Variants in TAMM41 observed in about 807,000 individuals in gnomAD.
TAMM41 encodes phosphatidate cytidylyltransferase, mitochondrial.
Under a neutral mutation model 44.1 loss-of-function variants are expected in TAMM41, and 36 were observed. The ratio of observed to expected loss-of-function variants is 0.82; its 90% confidence interval spans 0.63 to 1.08. The LOEUF (loss-of-function observed/expected upper bound fraction) is 1.08. Ranked by LOEUF, TAMM41 falls within the 50% of genes least tolerant of loss-of-function variation. TAMM41 has a pLI of 0.00. For missense variants in TAMM41, 417 were observed against 404.3 expected, an observed-to-expected ratio of 1.03 and a Z score of -0.27; for synonymous variants, 164 against 153.1, an observed-to-expected ratio of 1.07 and a Z score of -0.53.
intron 4 of TAMM41, among the ~76,000 whole-genome samples, chr3:11,822,241 G>A (rs1361290850): frequency 6.6e-6 from 1 of 152,114 alleles, no homozygotes; most frequent in East Asian, 1.9e-4. Context: ...AGTGTTTAAG[G>A]ACTGCAGCCC....
chr3:11,838,815 T>C (rs549677672), intron 3 of TAMM41, among the ~76,000 whole-genome samples: 27 of 152,058 alleles, frequency 1.8e-4, no homozygotes, highest in African/African-American at 5.8e-4. Context: ...GTGGGGGGCC[T>C]GAAAGGTCCA....
rs2079718218 is a variant in TAMM41 at position 11,846,703 on chromosome 3, C to T, written c.-67G>A. On this transcript the variant is annotated 5_prime_UTR_variant, in exon 1 of 8. Transcript: ENST00000455809. Reference sequence around the variant, plus strand: ...GGACAACCGGGCGGGGAACAGACACCGGGTAGGCGGTTTAGGGTGGGAAAT... The same window carrying T: ...GGACAACCGGGCGGGGAACAGACACTGGGTAGGCGGTTTAGGGTGGGAAAT... 2 of 1,604,686 alleles carry T rather than the reference C, an allele frequency of 1.2e-6. No homozygotes were observed. The highest frequency in any genetic ancestry group is 1.3e-5 in the African/African-American group (1 of 74,936).
At chr3:11,813,389 G>T (rs1403314071) in intron 5 of TAMM41, among the ~76,000 whole-genome samples, 1 of 152,116 alleles carries the variant, frequency 6.6e-6, no homozygotes, top group African/African-American at 2.4e-5. Context: ...AATTAGCTGG[G>T]TGTGATGGTG....
At chr3:11,764,000 T>C in the TAMM41 span, among the ~76,000 whole-genome samples, 11 of 152,320 alleles carry the variant, frequency 7.2e-5, no homozygotes, top group East Asian at 2.1e-3. Flanking sequence ...CTTTTTGTTT[T>C]GTTACTTTTT....
At chr3:11,744,423 G>C in the TAMM41 span, among the ~76,000 whole-genome samples, 1 of 151,940 alleles carries the variant, frequency 6.6e-6, no homozygotes, top group Non-Finnish European at 1.5e-5. Context: ...GCCGGGCACA[G>C]TGGCTCACAC....
chr3:11,838,793 G>A (rs1033574658), intron 3 of TAMM41, among the ~76,000 whole-genome samples: 12 of 151,926 alleles, frequency 7.9e-5, no homozygotes, highest in Non-Finnish European at 1.5e-4. Flanking sequence ...TTTCCCCTCT[G>A]TGAAGGTGGG....
chr3:11,813,929 T>C (rs1189652506), intron 5 of TAMM41, among the ~76,000 whole-genome samples: 1 of 149,170 alleles, frequency 6.7e-6, no homozygotes, highest in Non-Finnish European at 1.5e-5. Context: ...TGTATATATG[T>C]GTGTATATAT....
chr3:11,742,649 T>C, the TAMM41 span, among the ~76,000 whole-genome samples: 1 of 148,894 alleles, frequency 6.7e-6, no homozygotes, highest in Non-Finnish European at 1.5e-5. Context: ...GGCAGTGGCA[T>C]GATCATAGTT....
the TAMM41 span, among the ~76,000 whole-genome samples, chr3:11,740,720 C>T: frequency 5.1e-4 from 78 of 152,044 alleles, no homozygotes; most frequent in African/African-American, 1.8e-3. Flanking sequence ...CGCCCGCCAC[C>T]GCGCCCGGCT....
chr3:11,835,494 T>C (rs939360031), intron 3 of TAMM41, among the ~76,000 whole-genome samples: 2 of 152,220 alleles, frequency 1.3e-5, no homozygotes, highest in Non-Finnish European at 2.9e-5. Flanking sequence ...ATGCAGAGTT[T>C]TGCATGAAAT....
intron 3 of TAMM41, among the ~76,000 whole-genome samples, chr3:11,830,229 CTCTT>C (rs2078927697): frequency 6.6e-6 from 1 of 152,118 alleles, no homozygotes; most frequent in African/African-American, 2.4e-5. Flanking sequence ...GGCATTTTAC[CTCTT>C]TATTTAGACC....
chr3:11,828,786 T>C (rs1290962081), intron 4 of TAMM41, among the ~76,000 whole-genome samples: 1 of 152,172 alleles, frequency 6.6e-6, no homozygotes, highest in African/African-American at 2.4e-5. Context: ...GAACAAAACC[T>C]CTAAGGTCTC....
intron 7 of TAMM41, among the ~76,000 whole-genome samples, chr3:11,805,888 G>T (rs949505811): frequency 2.6e-5 from 4 of 152,160 alleles, no homozygotes; most frequent in Admixed American, 2.6e-4. Context: ...ACCCTGAATT[G>T]TAATAATCCC....
chr3:11,829,839 TC>T lies in TAMM41; in HGVS notation c.436del (p.Asp146MetfsTer12), dbSNP rs1559311936. 1 of 1,614,152 alleles carries T rather than the reference TC, an allele frequency of 6.2e-7. No homozygotes were observed. Among genetic ancestry groups the T allele is most frequent in the Non-Finnish European group, 8.5e-7 (1 of 1,180,038 alleles). ...ATCGAGGGCTGATCTAAGAGTGACATCCTCGTTCACTGAGATAATTTTCACC... is the reference window on the plus strand; with the variant it reads ...ATCGAGGGCTGATCTAAGAGTGACATCTCGTTCACTGAGATAATTTTCACC... ...KPVKIISVNEDVTLRSALDRN... is the reference protein window; with the variant it reads ...KPVKIISVNEXVTLRSALDRN... On this transcript the variant is annotated frameshift_variant, in exon 4 of 8. Transcript: ENST00000455809. LOFTEE classifies it high-confidence loss of function.
At chr3:11,752,655 T>TTTTTTTTTTTTTC in the TAMM41 span, among the ~76,000 whole-genome samples, 1 of 122,282 alleles carries the variant, frequency 8.2e-6, no homozygotes, top group Non-Finnish European at 1.6e-5. Flanking sequence ...TTTTTTTTTT[T>TTTTTTTTTTTTTC]GAGACAGGGT....
rs139578136 is a variant in TAMM41 at position 11,845,163 on chromosome 3, A to C, written c.136-952T>G. On this transcript the variant is annotated intron_variant, in intron 1 of 7. Transcript: ENST00000455809. Reference sequence around the variant, plus strand: ...GAGGGAGGCTGTTTGCCATGCTAGAAAATTTTCCTGCAGAAGAGCTGACTG... The same window carrying C: ...GAGGGAGGCTGTTTGCCATGCTAGACAATTTTCCTGCAGAAGAGCTGACTG... 440 of 357,178 alleles carry C rather than the reference A, an allele frequency of 1.2e-3. 4 individuals are homozygous for C. The highest frequency in any genetic ancestry group is 8.9e-3 in the African/African-American group (416 of 46,710). 22.1% of individuals were successfully genotyped at this position (357,178 alleles called of 1,614,324 possible).
chr3:11,846,223 A>T (rs1408951887), intron 1 of TAMM41, among the ~76,000 whole-genome samples: 1 of 152,194 alleles, frequency 6.6e-6, no homozygotes, highest in Non-Finnish European at 1.5e-5. Flanking sequence ...CCTGATAACG[A>T]TTTCTTTTCC....
intron 4 of TAMM41, among the ~76,000 whole-genome samples, chr3:11,824,830 CAAT>C (rs1446262670): frequency 2.0e-5 from 3 of 152,154 alleles, no homozygotes; most frequent in Non-Finnish European, 4.4e-5. Flanking sequence ...AGCCAACCAA[CAAT>C]AAGATACAGT....
At chr3:11,791,300 A>C (rs1575596755) in intron 7 of TAMM41, among the ~76,000 whole-genome samples, 1 of 152,306 alleles carries the variant, frequency 6.6e-6, no homozygotes, top group East Asian at 1.9e-4. Flanking sequence ...TCATTCGGAG[A>C]GCTGGCCCCC....
Sources: gnomAD v4.1 joint callset for allele counts (sites outside exome capture counted in the v4.1 genomes callset) on GRCh38, gnomAD v4.1.1 for gene constraint, MANE v1.5 for transcripts, NCBI Gene and HGNC (gene_info 2026-07-23, HGNC 2026-07-21) for gene names.